Variants in RUNX1 observed in about 807,000 individuals in gnomAD.
The protein encoded by RUNX1 is RUNX family transcription factor 1.
Under a neutral mutation model 42.8 loss-of-function variants are expected in RUNX1, and 19 were observed. That is an observed-to-expected ratio of 0.44 (90% CI 0.31 to 0.65). The LOEUF (loss-of-function observed/expected upper bound fraction) is 0.65. Ranked by LOEUF, RUNX1 falls within the 30% of genes least tolerant of loss-of-function variation. RUNX1 has a pLI of 0.07. For missense variants in RUNX1, 528 were observed against 672.0 expected (o/e 0.79, Z 2.37); for synonymous variants, 271 against 289.4 (o/e 0.94, Z 0.64).
chr21:34,794,129 C>T (rs1212605029), intron 8 of RUNX1, among the ~76,000 whole-genome samples: 1 of 151,968 alleles, frequency 6.6e-6, no homozygotes, highest in Non-Finnish European at 1.5e-5. Flanking sequence ...TAATTTGACA[C>T]TAATGTAAAG....
intron 2 of RUNX1, among the ~76,000 whole-genome samples, chr21:34,995,433 A>C (rs1184573672): frequency 2.6e-5 from 3 of 114,192 alleles, no homozygotes; most frequent in Non-Finnish European, 5.4e-5. Context: ...ACTTTCTGGG[A>C]GCTTTTTTTT....
In RUNX1 at chr21:34,789,787, G is replaced by A. The variant is rs1601328175; in HGVS notation, c.*2348C>T. On this transcript the variant is annotated 3_prime_UTR_variant, in exon 9 of 9. Transcript: ENST00000675419. ...CTCCACACATGGCTTTGAGAGTAAAGGTTCAATGTAAAAGATTATCTAATC... is the reference window on the plus strand; with the variant it reads ...CTCCACACATGGCTTTGAGAGTAAAAGTTCAATGTAAAAGATTATCTAATC... The A allele has an allele frequency of 2.6e-5, 6 of 233,076 alleles. No individual in the cohort carries two copies. The highest frequency in any genetic ancestry group is 4.4e-5 in the African/African-American group (2 of 45,314). 14.4% of individuals were successfully genotyped at this position (233,076 alleles called of 1,614,324 possible). A position where few individuals can be genotyped will look rare whatever the true frequency, so the allele number is the denominator to read the frequency against.
intron 2 of RUNX1, among the ~76,000 whole-genome samples, chr21:34,941,282 C>A (rs373090612): frequency 2.5e-3 from 383 of 152,320 alleles, no homozygotes; most frequent in African/African-American, 8.7e-3. Context: ...TGATGCTAAC[C>A]GTATTCTAAA....
Position 34,834,612 on chromosome 21 carries a change from G to T in RUNX1, c.614-11C>A, listed in dbSNP as rs766432660. On this transcript the variant is annotated splice_polypyrimidine_tract_variant and intron_variant, in intron 6 of 8. Coordinates refer to ENST00000675419, the MANE Select transcript of RUNX1 (RefSeq NM_001754.5). ...GTTTCTGCCGATGTCCTATTGTGGG[G>T]AGCAGGGAGGGGAGGGGATGGGGGG... 3 of 1,577,552 alleles carry T rather than the reference G, an allele frequency of 1.9e-6. No individual in the cohort carries two copies. The highest frequency in any genetic ancestry group is 2.6e-6 in the Non-Finnish European group (3 of 1,154,936).
intron 2 of RUNX1, among the ~76,000 whole-genome samples, chr21:34,940,623 G>A (rs1056041877): frequency 2.6e-5 from 4 of 152,186 alleles, no homozygotes; most frequent in African/African-American, 9.7e-5. Context: ...GTTGAGGGAA[G>A]AAACAAGATC....
At chr21:34,895,138 A>G (rs2058119952) in intron 2 of RUNX1, among the ~76,000 whole-genome samples, 1 of 152,168 alleles carries the variant, frequency 6.6e-6, no homozygotes, top group South Asian at 2.1e-4. Flanking sequence ...GTCAGATTTT[A>G]ATGTCATTTC....
intron 2 of RUNX1, among the ~76,000 whole-genome samples, chr21:34,924,784 C>T (rs1372670173): frequency 6.6e-6 from 1 of 152,148 alleles, no homozygotes; most frequent in Non-Finnish European, 1.5e-5. Context: ...AAACTACAAA[C>T]ATTTATTTCT....
chr21:34,892,983 G>T lies in RUNX1; in HGVS notation c.59-20C>A, dbSNP rs772203397. The T allele has an allele frequency of 3.9e-6, 6 of 1,520,914 alleles. No individual in the cohort carries two copies. The highest frequency in any genetic ancestry group is 5.5e-6 in the Non-Finnish European group (6 of 1,098,048). The allele number at this position is 1,520,914 out of a possible 1,614,324, so 94.2% of individuals were successfully genotyped here. ...TGCATTCTGAAATAACAGAAAGTAGGAAAATAAAAGTAATGCAAGTTTAAA... is the reference window on the plus strand; with the variant it reads ...TGCATTCTGAAATAACAGAAAGTAGTAAAATAAAAGTAATGCAAGTTTAAA... On this transcript the variant is annotated intron_variant, in intron 2 of 8. Coordinates refer to ENST00000675419, the MANE Select transcript of RUNX1 (RefSeq NM_001754.5).
intron 2 of RUNX1, among the ~76,000 whole-genome samples, chr21:34,960,034 G>C (rs1019627285): frequency 6.6e-6 from 1 of 152,082 alleles, no homozygotes; most frequent in Non-Finnish European, 1.5e-5. Flanking sequence ...TTGCACAGGG[G>C]GTCAGCGAGC....
intron 5 of RUNX1, among the ~76,000 whole-genome samples, chr21:34,873,598 G>A (rs1317151992): frequency 1.3e-5 from 2 of 152,252 alleles, no homozygotes; most frequent in Non-Finnish European, 2.9e-5. Flanking sequence ...ATGGCCGTGA[G>A]CCTCTCAAAG....
chr21:34,929,159 T>G (rs1424745960), intron 2 of RUNX1, among the ~76,000 whole-genome samples: 3 of 152,194 alleles, frequency 2.0e-5, no homozygotes, highest in Non-Finnish European at 4.4e-5. Context: ...TGCAAATTAT[T>G]AGATGCAGTC....
chr21:34,936,860 T>A (rs767894827), intron 2 of RUNX1, among the ~76,000 whole-genome samples: 2 of 151,692 alleles, frequency 1.3e-5, no homozygotes. Context: ...AAAAGAATTC[T>A]TTTTTTTTCT....
At chr21:34,993,541 ACACAGACACACACACAGG>A (rs974583755) in intron 2 of RUNX1, among the ~76,000 whole-genome samples, 1 of 144,286 alleles carries the variant, frequency 6.9e-6, no homozygotes, top group African/African-American at 2.7e-5. Context: ...ATACAGGCAC[ACACAGACACACACACAGG>A]CACAGACACA....
At chr21:34,795,014 A>C (rs1256327082) in intron 8 of RUNX1, among the ~76,000 whole-genome samples, 2 of 152,210 alleles carry the variant, frequency 1.3e-5, no homozygotes, top group Non-Finnish European at 2.9e-5. Context: ...CCTTAGAATT[A>C]TTCATTAAAT....
At chr21:34,924,873 T>C (rs909709399) in intron 2 of RUNX1, among the ~76,000 whole-genome samples, 2 of 152,102 alleles carry the variant, frequency 1.3e-5, no homozygotes, top group Non-Finnish European at 2.9e-5. Context: ...CATATGGCCA[T>C]GCTGTCATTG....
intron 2 of RUNX1, among the ~76,000 whole-genome samples, chr21:35,005,658 C>T (rs2059078852): frequency 6.6e-6 from 1 of 152,204 alleles, no homozygotes; most frequent in Admixed American, 6.5e-5. Context: ...CTCTGCTGGA[C>T]CGACCCTGAT....
At chr21:34,851,044 C>T (rs1026247154) in intron 6 of RUNX1, among the ~76,000 whole-genome samples, 1 of 152,172 alleles carries the variant, frequency 6.6e-6, no homozygotes, top group Non-Finnish European at 1.5e-5. Flanking sequence ...GAGGCTCAGT[C>T]AGACCAGCTG....
rs1295428105 is a variant in RUNX1 at position 34,900,291 on chromosome 21, G to T, written c.59-7328C>A. Among the ~76,000 whole-genome samples, 3 of 152,152 alleles carry T rather than the reference G, an allele frequency of 2.0e-5. No homozygotes were observed. In the East Asian group the frequency reaches 5.8e-4, roughly 29 times the overall value. On this transcript the variant is annotated intron_variant, in intron 2 of 8. Transcript: ENST00000675419. Reference sequence around the variant, plus strand: ...CATCTCAATTTGGTTTAGCCACATTGCAAGTGGTCAATACTCATTTGTGGC... The same window carrying T: ...CATCTCAATTTGGTTTAGCCACATTTCAAGTGGTCAATACTCATTTGTGGC...
At position 34,851,738 on chromosome 21, in the gene RUNX1, G is replaced by A. The variant is rs2146193870; in HGVS notation, c.613+7736C>T. The stretch of plus-strand genomic sequence containing the variant: ...GGAAAGAGAAATTCAATGTAATGGT[G>A]TAAGTTTCTTCCCTCTTCTCTGCTC... On this transcript the variant is annotated intron_variant, in intron 6 of 8. Transcript: ENST00000675419. Among the ~76,000 whole-genome samples, 2 of 152,352 alleles carry A rather than the reference G, an allele frequency of 1.3e-5. 1 individual carries two copies. Among genetic ancestry groups the A allele is most frequent in the South Asian group, 4.1e-4 (2 of 4,828 alleles).
Sources: allele counts gnomAD v4.1 joint callset (sites outside exome capture counted in the v4.1 genomes callset), GRCh38; gene constraint gnomAD v4.1.1; transcripts MANE v1.5; gene names NCBI Gene and HGNC (gene_info 2026-07-23, HGNC 2026-07-21).